The following CNR1 variants were observed in gnomAD, a reference collection of about 807,000 sequenced individuals.
CNR1 encodes cannabinoid receptor 1 (brain).
In CNR1, 10 loss-of-function variants were observed where a neutral mutation model predicts 23.0. That is an observed-to-expected ratio of 0.43 (90% confidence interval 0.27 to 0.74). The LOEUF (loss-of-function observed/expected upper bound fraction) is 0.74. Among genes scored for constraint, CNR1 ranks in the 30% least tolerant of loss-of-function variants. The probability of loss-of-function intolerance (pLI) is 0.19; values close to 1 mark genes in which losing one functional copy is unlikely to be tolerated. For synonymous variants in CNR1, 271 were observed against 255.2 expected (o/e 1.06, Z -0.59); for missense variants, 422 against 618.8 (o/e 0.68, Z 3.37).
At chr6:88,152,319 G>A (rs893854927) in intron 1 of CNR1, among the ~76,000 whole-genome samples, 1 of 151,996 alleles carries the variant, frequency 6.6e-6, no homozygotes, top group African/African-American at 2.4e-5. Flanking sequence ...GCTCATCTAG[G>A]TAAGTCTACC....
chr6:88,143,255 A>T lies in CNR1; in HGVS notation c.*601T>A, dbSNP rs1176346372. ...AAATAGAGATATTTGAAGAAATATT[A>T]AGGTTTATTTCTAAAGTTATATCAT... On this transcript the variant is annotated 3_prime_UTR_variant, in exon 2 of 2. Coordinates refer to ENST00000369501, the MANE Select transcript of CNR1 (RefSeq NM_016083.6). The T allele has an allele frequency of 6.5e-6, 1 of 152,682 alleles. No individual in the cohort carries two copies. The highest frequency in any genetic ancestry group is 1.5e-5 in the Non-Finnish European group (1 of 68,052). The allele number at this position is 152,682 out of a possible 1,614,324, so 9.5% of individuals were successfully genotyped here.
At position 88,141,537 on chromosome 6, in the gene CNR1, T is replaced by C. The variant is rs540718267; in HGVS notation, c.*2319A>G. The stretch of plus-strand genomic sequence containing the variant: ...TGAAAAGAGCATTGGTACTGCCTGG[T>C]GAGCTCTGAAACATGTGGATTAATG... On this transcript the variant is annotated 3_prime_UTR_variant, in exon 2 of 2. Transcript: ENST00000369501. 1 of 152,510 alleles carries C rather than the reference T, an allele frequency of 6.6e-6. No individual in the cohort carries two copies. The highest frequency in any genetic ancestry group is 1.5e-5 in the Non-Finnish European group (1 of 68,028). 9.4% of individuals were successfully genotyped at this position (152,510 alleles called of 1,614,324 possible). A position where few individuals can be genotyped will look rare whatever the true frequency, so the allele number is the denominator to read the frequency against.
At chr6:88,160,438 T>G (rs1257052335) in intron 1 of CNR1, among the ~76,000 whole-genome samples, 2 of 147,854 alleles carry the variant, frequency 1.4e-5, no homozygotes, top group African/African-American at 2.5e-5. Flanking sequence ...TTCTTTTCTT[T>G]TTTTTTTTTT....
intron 1 of CNR1, among the ~76,000 whole-genome samples, chr6:88,149,057 G>A (rs983981947): frequency 6.6e-6 from 1 of 152,212 alleles, no homozygotes; most frequent in Non-Finnish European, 1.5e-5. Context: ...TACTGGACCA[G>A]AGGCAGGAGC....
intron 1 of CNR1, among the ~76,000 whole-genome samples, chr6:88,149,878 T>C (rs568109987): frequency 6.6e-6 from 1 of 152,130 alleles, no homozygotes; most frequent in Non-Finnish European, 1.5e-5. Context: ...TAGAATGAGA[T>C]CTCCAAACAC....
intron 1 of CNR1, among the ~76,000 whole-genome samples, chr6:88,157,732 T>C (rs1777877774): frequency 6.6e-6 from 1 of 152,200 alleles, no homozygotes; most frequent in Non-Finnish European, 1.5e-5. Context: ...TCATTCTATT[T>C]TGTAAAACAT....
At chr6:88,156,257 C>T (rs1176067189) in intron 1 of CNR1, among the ~76,000 whole-genome samples, 1 of 152,194 alleles carries the variant, frequency 6.6e-6, no homozygotes, top group Non-Finnish European at 1.5e-5. Context: ...TACAGGCCTT[C>T]AAATGCTTGA....
intron 1 of CNR1, among the ~76,000 whole-genome samples, chr6:88,164,661 A>G (rs897738436): frequency 2.0e-5 from 3 of 152,238 alleles, no homozygotes; most frequent in Non-Finnish European, 1.5e-5. Flanking sequence ...GTAGGATTAG[A>G]AAAGCAACAC....
chr6:88,149,145 CA>C (rs1777381760), intron 1 of CNR1, among the ~76,000 whole-genome samples: 1 of 152,164 alleles, frequency 6.6e-6, no homozygotes, highest in African/African-American at 2.4e-5. Context: ...GGCAGTGTCT[CA>C]GGGGCAAAGG....
chr6:88,166,426 G>C (rs1778373635), upstream of CNR1: 1 of 152,356 alleles, frequency 6.6e-6, no homozygotes, highest in Admixed American at 6.5e-5. Context: ...CCCTGGCAGC[G>C]GCGGCGGCAC....
At chr6:88,162,744 G>A (rs1778169570) in intron 1 of CNR1, among the ~76,000 whole-genome samples, 1 of 152,150 alleles carries the variant, frequency 6.6e-6, no homozygotes, top group Admixed American at 6.5e-5. Flanking sequence ...GTATATAAGA[G>A]AAAAATCAGC....
chr6:88,157,789 C>T (rs962479452), intron 1 of CNR1, among the ~76,000 whole-genome samples: 5 of 152,222 alleles, frequency 3.3e-5, no homozygotes, highest in East Asian at 3.9e-4. Flanking sequence ...CTGGTCCTAA[C>T]TCTGTGATGA....
chr6:88,154,762 A>G (rs539884248), intron 1 of CNR1, among the ~76,000 whole-genome samples: 1 of 152,190 alleles, frequency 6.6e-6, no homozygotes, highest in East Asian at 1.9e-4. Context: ...TATTTTTAGT[A>G]GAGACAGTGT....
At position 88,149,686 on chromosome 6, in the gene CNR1, T is replaced by C. The variant is rs76895500; in HGVS notation, c.-63-4349A>G. Among the ~76,000 whole-genome samples, 1,262 of 152,322 alleles carry C rather than the reference T, an allele frequency of 8.3e-3. 19 individuals are homozygous for C. Among genetic ancestry groups the C allele is most frequent in the African/African-American group, 0.029 (1,213 of 41,558 alleles). On this transcript the variant is annotated intron_variant, in intron 1 of 1. Coordinates refer to ENST00000369501, the MANE Select transcript of CNR1 (RefSeq NM_016083.6). ...CTCCTTCACCTTGTCCCTTCTTTTA[T>C]CTGGATAGAAGCTCTCTGCCTACTA...
chr6:88,162,597 T>C (rs1271800897), intron 1 of CNR1, among the ~76,000 whole-genome samples: 1 of 151,730 alleles, frequency 6.6e-6, no homozygotes, highest in Non-Finnish European at 1.5e-5. Context: ...AATATAAAGT[T>C]ACCATTTCTC....
chr6:88,164,387 G>C (rs1412904938), intron 1 of CNR1: 2 of 152,350 alleles, frequency 1.3e-5, no homozygotes, highest in African/African-American at 4.8e-5. Context: ...CAAGTCTCTT[G>C]CCCCACTATG....
At chr6:88,160,275 G>A (rs926295977) in intron 1 of CNR1, among the ~76,000 whole-genome samples, 5 of 152,014 alleles carry the variant, frequency 3.3e-5, no homozygotes, top group Admixed American at 1.3e-4. Flanking sequence ...TGGGTCAACA[G>A]TGAGACTCTA....
chr6:88,143,572 TC>T lies in CNR1; in HGVS notation c.*283del, dbSNP rs1398260530. ...GCATTTTTCCATGGGTTCTTAGACT[TC>T]CAATTGTGTAGCCAAAGGTTTCCCT... On this transcript the variant is annotated 3_prime_UTR_variant, in exon 2 of 2. Coordinates refer to ENST00000369501, the MANE Select transcript of CNR1 (RefSeq NM_016083.6). The T allele has an allele frequency of 3.1e-6, 1 of 320,814 alleles. No individual in the cohort carries two copies. The highest frequency in any genetic ancestry group is 6.0e-5 in the East Asian group (1 of 16,732). 19.9% of individuals were successfully genotyped at this position (320,814 alleles called of 1,614,324 possible). A position where few individuals can be genotyped will look rare whatever the true frequency, so the allele number is the denominator to read the frequency against.
chr6:88,149,032 A>G (rs938269465), intron 1 of CNR1, among the ~76,000 whole-genome samples: 1 of 152,192 alleles, frequency 6.6e-6, no homozygotes, highest in Non-Finnish European at 1.5e-5. Context: ...AATAAAGCAG[A>G]TGGGAGCCAT....
Sources: allele counts gnomAD v4.1 joint callset (sites outside exome capture counted in the v4.1 genomes callset), GRCh38; gene constraint gnomAD v4.1.1; transcripts MANE v1.5; gene names NCBI Gene and HGNC (gene_info 2026-07-23, HGNC 2026-07-21).